The following MXD3 variants were observed in gnomAD, a reference collection of about 807,000 sequenced individuals.
The protein encoded by MXD3 is Max-associated protein 3.
MXD3 carries 20 observed loss-of-function variants against 27.5 expected under a neutral mutation model. The observed-to-expected ratio is 0.73, with a 90% CI of 0.51 to 1.06. MXD3 has a LOEUF of 1.06. MXD3 is among the 50% of genes least tolerant of loss of function. The probability of loss-of-function intolerance (pLI) is 0.00; values close to 1 mark genes in which losing one functional copy is unlikely to be tolerated. For missense variants in MXD3, 298 were observed against 291.3 expected (o/e 1.02, Z -0.17); for synonymous variants, 150 against 130.7 (o/e 1.15, Z -1.01).
In MXD3 at chr5:177,310,545, G is replaced by T; in HGVS notation, c.207-5C>A. On this transcript the variant is annotated splice_polypyrimidine_tract_variant and splice_region_variant and intron_variant, in intron 3 of 5. Transcript: ENST00000439742. ...CACCGCTTCAACTGGGCCCTCCTGT[G>T]GGGAAGAGGTCTGGAGGGCAGTGCC... 2 of 1,611,150 alleles carry T rather than the reference G, an allele frequency of 1.2e-6. No homozygotes were observed. The highest frequency in any genetic ancestry group is 2.2e-5 in the East Asian group (1 of 44,770).
upstream of MXD3, chr5:177,312,269 G>T: frequency 1.4e-5 from 14 of 986,836 alleles, no homozygotes; most frequent in Non-Finnish European, 1.7e-5. Context: ...GCCGGGCCCA[G>T]CCGCTGCACG....
downstream of MXD3, chr5:177,305,682 G>A: frequency 1.7e-6 from 1 of 600,308 alleles, no homozygotes; most frequent in Non-Finnish European, 3.0e-6. Context: ...TCAGAAGAGA[G>A]GTTTTCGAGA....
At chr5:177,312,533 G>A, upstream of MXD3, 4 of 985,478 alleles carry the variant, frequency 4.1e-6, no homozygotes, top group Non-Finnish European at 2.4e-6. Context: ...CGCCGGCGGA[G>A]GGGCGGCGGA....
In MXD3 at chr5:177,307,618, G is replaced by A; in HGVS notation, c.591C>T (p.Ser197=). The A allele has an allele frequency of 6.2e-7, 1 of 1,613,160 alleles. No individual in the cohort carries two copies. Among genetic ancestry groups the A allele is most frequent in the Non-Finnish European group, 8.5e-7 (1 of 1,179,954 alleles). ...GCCAGGCGCCGCCGCCGTGCGAGTA[G>A]CTGTGCTCCTGGCCGGCGACGAAGC... The part of the protein sequence containing the change: ...LRGFVAGQEH[S]YSHGGGAWL Residue 197 remains serine (S), a synonymous_variant, in exon 6 of 6, where the codon AGC becomes AGT. Coordinates refer to ENST00000439742, the MANE Select transcript of MXD3 (RefSeq NM_031300.4).
Position 177,310,648 on chromosome 5 carries a change from A to AG in MXD3, c.206+19dup. On this transcript the variant is annotated intron_variant, in intron 3 of 5. Coordinates refer to ENST00000439742, the MANE Select transcript of MXD3 (RefSeq NM_031300.4). ...GTGGCCCCTGGGGGCTGGCGCTGTC[A>AG]GGGCAGGACTGGGACTCACCTGCGC... The AG allele has an allele frequency of 6.2e-7, 1 of 1,614,174 alleles. No individual in the cohort carries two copies. The highest frequency in any genetic ancestry group is 1.1e-5 in the South Asian group (1 of 91,080).
At chr5:177,310,910 G>C in intron 2 of MXD3, 2 of 621,836 alleles carry the variant, frequency 3.2e-6, no homozygotes, top group South Asian at 3.9e-5. Flanking sequence ...AGCCTGCCCA[G>C]GTGGGTATGA....
At chr5:177,306,819 G>T, downstream of MXD3, 1 of 752,912 alleles carries the variant, frequency 1.3e-6, no homozygotes, top group Non-Finnish European at 2.1e-6. Flanking sequence ...GGGGCTCCAG[G>T]TAGCCTGCAG....
In MXD3 at chr5:177,307,360, C is replaced by T. The variant is rs1760907636; in HGVS notation, c.*228G>A. The T allele has an allele frequency of 2.0e-6, 3 of 1,519,876 alleles. No homozygotes were observed. Among genetic ancestry groups the T allele is most frequent in the Admixed American group, 2.0e-5 (1 of 50,832 alleles). The allele number at this position is 1,519,876 out of a possible 1,614,324, so 94.1% of individuals were successfully genotyped here. A position where few individuals can be genotyped will look rare whatever the true frequency, so the allele number is the denominator to read the frequency against. ...TTGGGCTCGGGCCCAAGCTGCCTGC[C>T]CTGCAGGGGTCCAGGGAGGTCCTGA... On this transcript the variant is annotated 3_prime_UTR_variant, in exon 6 of 6. Coordinates refer to ENST00000439742, the MANE Select transcript of MXD3 (RefSeq NM_031300.4).
rs1343965286 is a variant in MXD3, at chr5:177,307,570, C to G, written c.*18G>C. ...CTGGCACGAGTAGAGGGCAGAGGCC[C>G]GCCCTGGGTGAGGAACATCATAGCC... On this transcript the variant is annotated 3_prime_UTR_variant, in exon 6 of 6. Transcript: ENST00000439742. The G allele has an allele frequency of 6.2e-7, 1 of 1,610,458 alleles. No homozygotes were observed. The highest frequency in any genetic ancestry group is 8.5e-7 in the Non-Finnish European group (1 of 1,179,382).
At chr5:177,306,585 C>G, downstream of MXD3, 2 of 1,605,500 alleles carry the variant, frequency 1.2e-6, no homozygotes, top group Non-Finnish European at 8.5e-7. Context: ...TCTACCACCA[C>G]CACAGCACCC....
Position 177,307,564 on chromosome 5 carries a change from G to C in MXD3, c.*24C>G. On this transcript the variant is annotated 3_prime_UTR_variant, in exon 6 of 6. Coordinates refer to ENST00000439742, the MANE Select transcript of MXD3 (RefSeq NM_031300.4). Reference sequence around the variant, plus strand: ...GTGGGCCTGGCACGAGTAGAGGGCAGAGGCCCGCCCTGGGTGAGGAACATC... The same window carrying C: ...GTGGGCCTGGCACGAGTAGAGGGCACAGGCCCGCCCTGGGTGAGGAACATC... 6.2e-7 allele frequency: 1 copy of C among 1,609,610 alleles called. No homozygotes were observed. Among genetic ancestry groups the C allele is most frequent in the Non-Finnish European group, 8.5e-7 (1 of 1,179,038 alleles).
chr5:177,312,497 AG>A (rs1323226910), upstream of MXD3: 223 of 985,382 alleles, frequency 2.3e-4, no homozygotes, highest in Non-Finnish European at 2.5e-4. Flanking sequence ...CGGGGTTGAG[AG>A]GGGAGCTGGG....
chr5:177,312,653 C>T (rs1433255038), upstream of MXD3: 11 of 985,372 alleles, frequency 1.1e-5, no homozygotes, highest in Non-Finnish European at 1.3e-5. Flanking sequence ...ATATCTCGGC[C>T]CCCCTCCTCT....
chr5:177,310,276 T>A (rs1188754103), intron 4 of MXD3, 150 bp downstream of exon 4: 1 of 610,864 alleles, frequency 1.6e-6, no homozygotes, highest in Non-Finnish European at 2.9e-6. Flanking sequence ...ATTTAATGGA[T>A]CTGGAAAGTA....
downstream of MXD3, chr5:177,307,149 T>G (rs4246814): frequency 2.5e-3 from 3,855 of 1,541,654 alleles, 92 homozygotes; most frequent in African/African-American, 0.048. Context: ...TATTTCCTCT[T>G]CCAGTGGGTC....
downstream of MXD3, chr5:177,306,622 C>T: frequency 2.5e-6 from 4 of 1,570,044 alleles, no homozygotes; most frequent in Non-Finnish European, 3.5e-6. Flanking sequence ...GCCTCTCTGC[C>T]CTCCCTTCAT....
chr5:177,311,282 TG>T, intron 2 of MXD3, 96 bp downstream of exon 2: 1 of 783,744 alleles, frequency 1.3e-6, no homozygotes. Context: ...GCGGGACACC[TG>T]GCCCAAAAGA....
At chr5:177,306,930 A>G (rs927357678), downstream of MXD3, 5 of 868,196 alleles carry the variant, frequency 5.8e-6, no homozygotes, top group African/African-American at 1.7e-5. Context: ...TAGACACTCA[A>G]TAAATACTTG....
At chr5:177,306,796 C>T (rs537147510), downstream of MXD3, 19 of 816,502 alleles carry the variant, frequency 2.3e-5, no homozygotes, top group Admixed American at 5.8e-5. Flanking sequence ...CACAGAGGTG[C>T]GGTGACTTGC....
Sources: allele counts gnomAD v4.1 joint callset, GRCh38; gene constraint gnomAD v4.1.1; transcripts MANE v1.5; gene names NCBI Gene and HGNC (gene_info 2026-07-23, HGNC 2026-07-21).